RSU1: variants seen among roughly 807,000 people sequenced by gnomAD.
RSU1 encodes Ras suppressor protein 1, also known as rsu-1.
In RSU1, 26 loss-of-function variants were observed where a neutral mutation model predicts 31.1. The ratio of observed to expected loss-of-function variants is 0.84; its 90% CI spans 0.61 to 1.16. The LOEUF (loss-of-function observed/expected upper bound fraction) is 1.16, where lower values mean the gene tolerates loss of function less well. Among genes scored for constraint, RSU1 ranks in the 50% most tolerant of loss-of-function variants. The pLI is 0.00. For missense variants in RSU1, 320 were observed against 339.1 expected (o/e 0.94, Z 0.44); for synonymous variants, 164 against 136.3 (o/e 1.20, Z -1.41).
At chr10:16,808,270 G>A (rs1838319108) in intron 2 of RSU1, among the ~76,000 whole-genome samples, 1 of 151,832 alleles carries the variant, frequency 6.6e-6, no homozygotes, top group Non-Finnish European at 1.5e-5. Flanking sequence ...CTGAGGCCAG[G>A]ATTTCAAGAC....
intron 8 of RSU1, among the ~76,000 whole-genome samples, chr10:16,688,638 CCATTT>C (rs1313566528): frequency 2.0e-5 from 3 of 151,978 alleles, no homozygotes; most frequent in Admixed American, 2.0e-4. Flanking sequence ...CAAATATGTA[CCATTT>C]ATGAAGAAAA....
chr10:16,779,616 T>A (rs1287637711), intron 3 of RSU1, among the ~76,000 whole-genome samples: 2 of 151,800 alleles, frequency 1.3e-5, no homozygotes, highest in Non-Finnish European at 2.9e-5. Flanking sequence ...ATAAAAGCAG[T>A]GCCGGGTGAG....
At chr10:16,731,764 T>C (rs1220969313) in intron 7 of RSU1, among the ~76,000 whole-genome samples, 2 of 152,236 alleles carry the variant, frequency 1.3e-5, no homozygotes, top group African/African-American at 2.4e-5. Context: ...CAGTTTTTTA[T>C]AGGCTTGGTC....
At chr10:16,725,669 C>G (rs1302573639) in intron 7 of RSU1, among the ~76,000 whole-genome samples, 39 of 151,768 alleles carry the variant, frequency 2.6e-4, no homozygotes, top group Admixed American at 2.6e-3. Context: ...CCAGAGGATG[C>G]AGTGTCACCA....
intron 8 of RSU1, among the ~76,000 whole-genome samples, chr10:16,680,078 C>A (rs1270252782): frequency 6.6e-6 from 1 of 151,900 alleles, no homozygotes; most frequent in Non-Finnish European, 1.5e-5. Flanking sequence ...GATGGGGTTT[C>A]ACCATGTTGG....
At chr10:16,666,381 G>A (rs1834987916) in intron 8 of RSU1, among the ~76,000 whole-genome samples, 1 of 152,174 alleles carries the variant, frequency 6.6e-6, no homozygotes, top group Non-Finnish European at 1.5e-5. Flanking sequence ...TTCTCCTGCA[G>A]TAACTGAACA....
intron 3 of RSU1, among the ~76,000 whole-genome samples, chr10:16,770,118 G>A (rs1260585945): frequency 6.6e-6 from 1 of 152,100 alleles, no homozygotes; most frequent in Non-Finnish European, 1.5e-5. Flanking sequence ...TGGTAGTGAC[G>A]GTACAGACAG....
At chr10:16,749,400 C>T (rs1320256164) in intron 7 of RSU1, among the ~76,000 whole-genome samples, 1 of 152,182 alleles carries the variant, frequency 6.6e-6, no homozygotes, top group Non-Finnish European at 1.5e-5. Context: ...TCAATAAACT[C>T]TGGATTTATT....
chr10:16,746,389 T>C (rs572711810), intron 7 of RSU1, among the ~76,000 whole-genome samples: 47 of 152,142 alleles, frequency 3.1e-4, no homozygotes, highest in African/African-American at 1.1e-3. Context: ...CAGACCAATG[T>C]GATTTTTTTT....
intron 8 of RSU1, among the ~76,000 whole-genome samples, chr10:16,686,993 G>A (rs1365232800): frequency 6.6e-6 from 1 of 152,178 alleles, no homozygotes; most frequent in Non-Finnish European, 1.5e-5. Flanking sequence ...TCAAACCTGA[G>A]CCTACCAGGT....
At chr10:16,669,193 C>T (rs554177210) in intron 8 of RSU1, among the ~76,000 whole-genome samples, 29 of 152,076 alleles carry the variant, frequency 1.9e-4, no homozygotes, top group Non-Finnish European at 1.0e-4. Flanking sequence ...GACCTACAAA[C>T]GTGCAACTCC....
intron 7 of RSU1, among the ~76,000 whole-genome samples, chr10:16,730,474 C>A (rs940536424): frequency 1.3e-5 from 2 of 152,266 alleles, no homozygotes; most frequent in Admixed American, 6.5e-5. Flanking sequence ...GGTCTGCCAA[C>A]CACCACAGAT....
At chr10:16,801,896 T>C (rs565444834) in intron 2 of RSU1, among the ~76,000 whole-genome samples, 3 of 152,116 alleles carry the variant, frequency 2.0e-5, no homozygotes, top group Non-Finnish European at 4.4e-5. Flanking sequence ...AGGAAATTTA[T>C]AGCATTAAAT....
At chr10:16,804,870 G>A (rs1838233973) in intron 2 of RSU1, among the ~76,000 whole-genome samples, 1 of 152,156 alleles carries the variant, frequency 6.6e-6, no homozygotes, top group Non-Finnish European at 1.5e-5. Flanking sequence ...GATTTTTAGA[G>A]CAGTGTAACT....
intron 8 of RSU1, among the ~76,000 whole-genome samples, chr10:16,643,803 T>A (rs1834487518): frequency 2.0e-5 from 3 of 152,062 alleles, no homozygotes. Flanking sequence ...ATTCAGCCCT[T>A]CATGTCTGCA....
At chr10:16,606,200 A>G (rs372767939) in intron 8 of RSU1, among the ~76,000 whole-genome samples, 7 of 152,336 alleles carry the variant, frequency 4.6e-5, no homozygotes, top group East Asian at 1.9e-4. Context: ...TTCCTTTAAG[A>G]TACAAAGGAC....
chr10:16,776,833 C>A (rs557738311), intron 3 of RSU1, among the ~76,000 whole-genome samples: 1 of 151,208 alleles, frequency 6.6e-6, no homozygotes, highest in Admixed American at 6.6e-5. Flanking sequence ...AAACTACTGC[C>A]GTATTTAAGC....
intron 3 of RSU1, among the ~76,000 whole-genome samples, chr10:16,768,722 T>C (rs1027264962): frequency 6.6e-6 from 1 of 152,158 alleles, no homozygotes; most frequent in Non-Finnish European, 1.5e-5. Context: ...CCTCCTAAAC[T>C]GAAGAACTGA....
chr10:16,772,249 C>T (rs940699434), intron 3 of RSU1, among the ~76,000 whole-genome samples: 6 of 152,124 alleles, frequency 3.9e-5, no homozygotes, highest in African/African-American at 1.4e-4. Context: ...TGTTCCTGAG[C>T]TATAAAAAGT....
Sources: gnomAD v4.1 joint callset for allele counts (sites outside exome capture counted in the v4.1 genomes callset) on GRCh38, gnomAD v4.1.1 for gene constraint, MANE v1.5 for transcripts, NCBI Gene and HGNC (gene_info 2026-07-23, HGNC 2026-07-21) for gene names.